The following FAM89A variants were observed in gnomAD, a reference collection of about 807,000 sequenced individuals.
FAM89A encodes protein FAM89A.
FAM89A carries 10 observed loss-of-function variants against 7.1 expected under a neutral mutation model. The observed-to-expected ratio is 1.40, with a 90% CI of 0.86 to 2.38. The LOEUF is 2.38. Ranked by LOEUF, FAM89A falls within the 30% of genes most tolerant of loss-of-function variation. The probability of loss-of-function intolerance (pLI) is 0.00; values close to 1 mark genes in which losing one functional copy is unlikely to be tolerated. For missense variants in FAM89A, 276 were observed against 262.8 expected (o/e 1.05, Z -0.35); for synonymous variants, 157 against 129.3 (o/e 1.21, Z -1.45).
chr1:231,033,961 A>G (rs1680116226), intron 1 of FAM89A, among the ~76,000 whole-genome samples: 2 of 152,062 alleles, frequency 1.3e-5, no homozygotes, highest in South Asian at 2.1e-4. Flanking sequence ...AAACTAATAT[A>G]TATTCTTTTT....
chr1:231,021,537 A>T (rs1279458441), intron 1 of FAM89A: 2 of 850,966 alleles, frequency 2.4e-6, no homozygotes, highest in Non-Finnish European at 3.8e-6. Context: ...GGTTGAGAAC[A>T]TTCGACTTCC....
intron 1 of FAM89A, among the ~76,000 whole-genome samples, chr1:231,025,285 C>T (rs1444961167): frequency 3.9e-5 from 6 of 152,112 alleles, no homozygotes; most frequent in Non-Finnish European, 7.4e-5. Flanking sequence ...AGCTGCAGGT[C>T]GGGAGCGTGG....
At chr1:231,027,142 C>A (rs1453622477) in intron 1 of FAM89A, among the ~76,000 whole-genome samples, 4 of 152,152 alleles carry the variant, frequency 2.6e-5, no homozygotes, top group Non-Finnish European at 4.4e-5. Flanking sequence ...CTCTGACTCC[C>A]CATGACCCCA....
chr1:231,036,084 G>A (rs1196501810), intron 1 of FAM89A, among the ~76,000 whole-genome samples: 1 of 152,162 alleles, frequency 6.6e-6, no homozygotes, highest in African/African-American at 2.4e-5. Context: ...AGAGGAGGAG[G>A]GGAAGAGAAT....
chr1:231,039,384 C>T (rs1395838077), intron 1 of FAM89A, among the ~76,000 whole-genome samples: 1 of 152,250 alleles, frequency 6.6e-6, no homozygotes, highest in Non-Finnish European at 1.5e-5. Flanking sequence ...GCCATCTGTG[C>T]GCCGGGGCCA....
At position 231,019,723 on chromosome 1, in the gene FAM89A, C is replaced by T; in HGVS notation, c.*140G>A. ...GCATCCGCGGAGAACTCCCTGCCTA[C>T]AAATGAAACTGGTAGCGCTCATCCC... On this transcript the variant is annotated 3_prime_UTR_variant, in exon 2 of 2. Transcript: ENST00000366654. 1 of 927,030 alleles carries T rather than the reference C, an allele frequency of 1.1e-6. No homozygotes were observed. The highest frequency in any genetic ancestry group is 1.7e-5 in the African/African-American group (1 of 60,070). 57.4% of individuals were successfully genotyped at this position (927,030 alleles called of 1,614,324 possible).
At chr1:231,026,885 T>C (rs1679985323) in intron 1 of FAM89A, 1 of 152,164 alleles carries the variant, frequency 6.6e-6, no homozygotes, top group African/African-American at 2.4e-5. Flanking sequence ...TCACATAGTA[T>C]GTGCTCAAAA....
At chr1:231,031,948 G>T (rs4339848) in intron 1 of FAM89A, among the ~76,000 whole-genome samples, 1 of 152,120 alleles carries the variant, frequency 6.6e-6, no homozygotes, top group African/African-American at 2.4e-5. Flanking sequence ...GGGACAAGGA[G>T]GACAAGGAGA....
chr1:231,022,499 A>T (rs1679898691), intron 1 of FAM89A, among the ~76,000 whole-genome samples: 1 of 152,094 alleles, frequency 6.6e-6, no homozygotes, highest in South Asian at 2.1e-4. Flanking sequence ...TTCCGTTTGG[A>T]AAGTTTGCCC....
intron 1 of FAM89A, among the ~76,000 whole-genome samples, chr1:231,037,850 T>C (rs6541251): frequency 0.39 from 59,125 of 151,968 alleles, 11,601 homozygotes; most frequent in East Asian, 0.55. Context: ...CCCCTCTTTC[T>C]ATGCTTGCTT....
intron 1 of FAM89A, among the ~76,000 whole-genome samples, chr1:231,037,319 G>T (rs573200342): frequency 1.3e-5 from 2 of 152,170 alleles, no homozygotes; most frequent in African/African-American, 4.8e-5. Flanking sequence ...TACTAAAAGT[G>T]ATTATTTCTA....
chr1:231,033,947 A>T (rs1277228796), intron 1 of FAM89A, among the ~76,000 whole-genome samples: 2 of 152,124 alleles, frequency 1.3e-5, no homozygotes, highest in Non-Finnish European at 2.9e-5. Flanking sequence ...GCTTTCATAC[A>T]CACAAACTAA....
chr1:231,022,013 T>C, intron 1 of FAM89A: 1 of 1,344,890 alleles, frequency 7.4e-7, no homozygotes, highest in South Asian at 1.2e-5. Context: ...TTGTCCTATC[T>C]GCATGGACAG....
rs1679827428 is a variant in FAM89A at position 231,019,226 on chromosome 1, T to A, written c.*637A>T. 1 of 151,640 alleles carries A rather than the reference T, an allele frequency of 6.6e-6. No homozygotes were observed. The highest frequency in any genetic ancestry group is 2.4e-5 in the African/African-American group (1 of 41,304). 9.4% of individuals were successfully genotyped at this position (151,640 alleles called of 1,614,324 possible). ...TGTCTTCGTATTATCTTCCTTCCTCTCGTATCTGATAGACAAAGAATGATA... is the reference window on the plus strand; with the variant it reads ...TGTCTTCGTATTATCTTCCTTCCTCACGTATCTGATAGACAAAGAATGATA... On this transcript the variant is annotated 3_prime_UTR_variant, in exon 2 of 2. Transcript: ENST00000366654.
intron 1 of FAM89A, among the ~76,000 whole-genome samples, chr1:231,039,537 C>T (rs1680219413): frequency 2.0e-5 from 3 of 152,204 alleles, no homozygotes; most frequent in Admixed American, 2.0e-4. Context: ...TCCGTTGGGC[C>T]GCTGTGAAAG....
In FAM89A at chr1:231,020,188, G is replaced by A. The variant is rs929859151; in HGVS notation, c.292-62C>T. 4.0e-6 allele frequency: 6 copies of A among 1,500,582 alleles called. No homozygotes were observed. In the African/African-American group the frequency reaches 6.9e-5, roughly 17 times the overall value. The allele number at this position is 1,500,582 out of a possible 1,614,324, so 93.0% of individuals were successfully genotyped here. ...TCAGCACTTGAGTTTAATTTCAGTG[G>A]AACACTCAGCCGGCGATCTGCGCCT... On this transcript the variant is annotated intron_variant, in intron 1 of 1. Transcript: ENST00000366654.
At chr1:231,024,433 T>C (rs1679928079) in intron 1 of FAM89A, among the ~76,000 whole-genome samples, 3 of 151,978 alleles carry the variant, frequency 2.0e-5, no homozygotes, top group Admixed American at 2.0e-4. Context: ...CTCCAACTTT[T>C]CTAAATTGCC....
At chr1:231,033,297 T>C (rs1186635728) in intron 1 of FAM89A, among the ~76,000 whole-genome samples, 1 of 152,220 alleles carries the variant, frequency 6.6e-6, no homozygotes, top group Non-Finnish European at 1.5e-5. Context: ...TTCCTGAGCA[T>C]GGAGTCTGTG....
At chr1:231,031,690 C>T (rs976066297) in intron 1 of FAM89A, among the ~76,000 whole-genome samples, 4 of 152,172 alleles carry the variant, frequency 2.6e-5, no homozygotes, top group Non-Finnish European at 4.4e-5. Flanking sequence ...TTCCTCAAAG[C>T]ACTATGCACA....
Sources: gnomAD v4.1 joint callset for allele counts (sites outside exome capture counted in the v4.1 genomes callset) on GRCh38, gnomAD v4.1.1 for gene constraint, MANE v1.5 for transcripts, NCBI Gene and HGNC (gene_info 2026-07-23, HGNC 2026-07-21) for gene names.